Variants in C18orf32 observed in about 807,000 individuals in gnomAD.
The protein encoded by C18orf32 is UPF0729 protein C18orf32.
C18orf32 carries 5 observed loss-of-function variants against 7.4 expected under a neutral mutation model. The observed-to-expected ratio is 0.68, with a 90% CI of 0.35 to 1.42. C18orf32 has a LOEUF of 1.42. Among genes scored for constraint, C18orf32 ranks in the 40% most tolerant of loss-of-function variants. The probability of loss-of-function intolerance (pLI) is 0.04; values close to 1 mark genes in which losing one functional copy is unlikely to be tolerated. For missense variants in C18orf32, 88 were observed against 92.4 expected, an observed-to-expected ratio of 0.95 and a Z score of 0.19; for synonymous variants, 30 against 29.3, an observed-to-expected ratio of 1.02 and a Z score of -0.08.
Position 49,479,323 on chromosome 18 carries a change from G to C in C18orf32, c.*3022C>G, listed in dbSNP as rs1324584206. 1 of 152,266 alleles carries C rather than the reference G, an allele frequency of 6.6e-6. No individual in the cohort carries two copies. The highest frequency in any genetic ancestry group is 1.5e-5 in the Non-Finnish European group (1 of 68,086). 9.4% of individuals were successfully genotyped at this position (152,266 alleles called of 1,614,324 possible). ...CGTCCAATACAGGAGGGTGGCAACA[G>C]AAAGTCCCGAGGACTGCAGTGTGCA... On this transcript the variant is annotated 3_prime_UTR_variant, in exon 3 of 3. Transcript: ENST00000318240.
intron 1 of C18orf32, among the ~76,000 whole-genome samples, chr18:49,484,984 A>T (rs565951231): frequency 6.6e-6 from 1 of 152,102 alleles, no homozygotes; most frequent in South Asian, 2.1e-4. Flanking sequence ...CGGGAGGCTG[A>T]GGGGGAAGAA....
At chr18:49,485,421 G>T (rs1319167098) in intron 1 of C18orf32, among the ~76,000 whole-genome samples, 2 of 152,122 alleles carry the variant, frequency 1.3e-5, no homozygotes, top group Non-Finnish European at 2.9e-5. Context: ...GGGCGTGGTG[G>T]TGGGCACCTG....
intron 1 of C18orf32, chr18:49,486,279 CA>C (rs2083743458): frequency 6.6e-6 from 1 of 152,080 alleles, no homozygotes; most frequent in South Asian, 2.1e-4. Context: ...GAAACCCCTT[CA>C]AAACAACTGA....
Position 49,477,442 on chromosome 18 carries a change from C to T in C18orf32, c.*4903G>A, listed in dbSNP as rs2083628380. The stretch of plus-strand genomic sequence containing the variant: ...TAATCTAAACTCACCCTCTCCATTT[C>T]TGCCTAATTATTCCCAATAAGGTAT... On this transcript the variant is annotated 3_prime_UTR_variant, in exon 3 of 3. Transcript: ENST00000318240. 6.7e-6 allele frequency: 1 copy of T among 150,098 alleles called. No individual in the cohort carries two copies. Among genetic ancestry groups the T allele is most frequent in the African/African-American group, 2.5e-5 (1 of 39,490 alleles). The allele number at this position is 150,098 out of a possible 1,614,324, so 9.3% of individuals were successfully genotyped here. A position where few individuals can be genotyped will look rare whatever the true frequency, so the allele number is the denominator to read the frequency against.
Position 49,482,033 on chromosome 18 carries a change from GA to G in C18orf32, c.*311del. On this transcript the variant is annotated 3_prime_UTR_variant, in exon 3 of 3. Coordinates refer to ENST00000318240, the MANE Select transcript of C18orf32 (RefSeq NM_001035005.4). ...AATTCATATGAATTAGAGAACCAAA[GA>G]TTTTAAAGTGCTGATTTAGTAACAT... 1 of 252,808 alleles carries G rather than the reference GA, an allele frequency of 4.0e-6. No individual in the cohort carries two copies. Among genetic ancestry groups the G allele is most frequent in the Non-Finnish European group, 7.6e-6 (1 of 132,422 alleles). 15.7% of individuals were successfully genotyped at this position (252,808 alleles called of 1,614,324 possible). A position where few individuals can be genotyped will look rare whatever the true frequency, so the allele number is the denominator to read the frequency against.
intron 1 of C18orf32, among the ~76,000 whole-genome samples, chr18:49,485,404 A>G (rs2083726937): frequency 6.6e-6 from 1 of 151,938 alleles, no homozygotes; most frequent in Admixed American, 6.6e-5. Flanking sequence ...AAATACAAAA[A>G]TTAGCTGGGC....
Position 49,478,084 on chromosome 18 carries a change from AGAGT to A in C18orf32, c.*4257_*4260del, listed in dbSNP as rs2083633798. The A allele has an allele frequency of 6.7e-6, 1 of 149,300 alleles. No homozygotes were observed. Among genetic ancestry groups the A allele is most frequent in the Non-Finnish European group, 1.5e-5 (1 of 67,952 alleles). 9.2% of individuals were successfully genotyped at this position (149,300 alleles called of 1,614,324 possible). On this transcript the variant is annotated 3_prime_UTR_variant, in exon 3 of 3. Coordinates refer to ENST00000318240, the MANE Select transcript of C18orf32 (RefSeq NM_001035005.4). ...AGGGTCTTGCTCTGTTGTCCAAGCTAGAGTGCAGTGGCTTGATCACAGCTCACTG... is the reference window on the plus strand; with the variant it reads ...AGGGTCTTGCTCTGTTGTCCAAGCTAGCAGTGGCTTGATCACAGCTCACTG...
intron 1 of C18orf32, among the ~76,000 whole-genome samples, chr18:49,484,201 C>CACACAT (rs56983810): frequency 9.3e-4 from 109 of 117,818 alleles, no homozygotes; most frequent in African/African-American, 3.5e-3. Flanking sequence ...CACACACACA[C>CACACAT]GAAAGGACTA....
At chr18:49,483,226 G>C (rs2083686539) in intron 2 of C18orf32, among the ~76,000 whole-genome samples, 1 of 152,050 alleles carries the variant, frequency 6.6e-6, no homozygotes, top group African/African-American at 2.4e-5. Flanking sequence ...CAATTCTAAA[G>C]ACAACAGAGT....
At position 49,484,165 on chromosome 18, in the gene C18orf32, T is replaced by TACAC. The variant is rs1294205830; in HGVS notation, c.-23-395_-23-394insGTGT. ...AAAAAAAAATATATATATATATATA[T>TACAC]ATACACACACACACACACACACACA... On this transcript the variant is annotated intron_variant, in intron 1 of 2. Coordinates refer to ENST00000318240, the MANE Select transcript of C18orf32 (RefSeq NM_001035005.4). 6.0e-4 allele frequency among the ~76,000 whole-genome samples: 53 copies of TACAC among 88,082 alleles called. 1 individual carries two copies. Among genetic ancestry groups the TACAC allele is most frequent in the Non-Finnish European group, 4.4e-4 (20 of 45,262 alleles). The allele number at this position is 88,082 out of a possible 152,430, so 57.8% of individuals were successfully genotyped here.
chr18:49,482,778 T>C (rs2083678798), intron 2 of C18orf32, among the ~76,000 whole-genome samples: 2 of 149,580 alleles, frequency 1.3e-5, no homozygotes, highest in African/African-American at 4.9e-5. Flanking sequence ...CAAAAAGATA[T>C]TAAGAGACAT....
rs2083638890 is a variant in C18orf32 at position 49,478,899 on chromosome 18, A to G, written c.*3446T>C. 7.1e-6 allele frequency: 1 copy of G among 140,884 alleles called. No homozygotes were observed. The highest frequency in any genetic ancestry group is 3.2e-5 in the African/African-American group (1 of 30,894). The allele number at this position is 140,884 out of a possible 1,614,324, so 8.7% of individuals were successfully genotyped here. A position where few individuals can be genotyped will look rare whatever the true frequency, so the allele number is the denominator to read the frequency against. On this transcript the variant is annotated 3_prime_UTR_variant, in exon 3 of 3. Transcript: ENST00000318240. Reference sequence around the variant, plus strand: ...TTCAAACTGATGGCTATTTTTGTCCACTATTCCCATGTTCTTTTTCACTCT... The same window carrying G: ...TTCAAACTGATGGCTATTTTTGTCCGCTATTCCCATGTTCTTTTTCACTCT...
intron 2 of C18orf32, among the ~76,000 whole-genome samples, chr18:49,483,261 G>T (rs1256639482): frequency 9.4e-5 from 14 of 149,216 alleles, no homozygotes; most frequent in African/African-American, 3.2e-4. Flanking sequence ...TAAAAAAATT[G>T]TTTTTTTTTT....
rs778524122 is a variant in C18orf32, at chr18:49,481,551, T to C, written c.*794A>G. The C allele has an allele frequency of 6.9e-6, 1 of 144,142 alleles. No homozygotes were observed. The highest frequency in any genetic ancestry group is 2.6e-5 in the African/African-American group (1 of 38,122). The allele number at this position is 144,142 out of a possible 1,614,324, so 8.9% of individuals were successfully genotyped here. On this transcript the variant is annotated 3_prime_UTR_variant, in exon 3 of 3. Coordinates refer to ENST00000318240, the MANE Select transcript of C18orf32 (RefSeq NM_001035005.4). ...TCTTGTTACGCAACAATAGTAATTGTTGTCCCACCACTACACAGATGCCAT... is the reference window on the plus strand; with the variant it reads ...TCTTGTTACGCAACAATAGTAATTGCTGTCCCACCACTACACAGATGCCAT...
Position 49,478,799 on chromosome 18 carries a change from A to G in C18orf32, c.*3546T>C, listed in dbSNP as rs1047666319. 2.0e-5 allele frequency: 3 copies of G among 150,528 alleles called. No individual in the cohort carries two copies. The highest frequency in any genetic ancestry group is 6.6e-5 in the Admixed American group (1 of 15,236). 9.3% of individuals were successfully genotyped at this position (150,528 alleles called of 1,614,324 possible). On this transcript the variant is annotated 3_prime_UTR_variant, in exon 3 of 3. Transcript: ENST00000318240. ...TGGATAACTGATAAAAGCTTTTAACAATTAGCCTCCAAAATAAGAAAAATA... is the reference window on the plus strand; with the variant it reads ...TGGATAACTGATAAAAGCTTTTAACGATTAGCCTCCAAAATAAGAAAAATA...
rs574642888 is a variant in C18orf32, at chr18:49,479,081, T to C, written c.*3264A>G. 6.6e-6 allele frequency: 1 copy of C among 152,286 alleles called. No homozygotes were observed. Among genetic ancestry groups the C allele is most frequent in the Non-Finnish European group, 1.5e-5 (1 of 68,012 alleles). 9.4% of individuals were successfully genotyped at this position (152,286 alleles called of 1,614,324 possible). ...TATGAAAACAACGACTGGGAACCAG[T>C]GTTCTAGAGAGGGAGACTTGTTAGA... is the stretch of plus-strand genomic sequence containing the variant. On this transcript the variant is annotated 3_prime_UTR_variant, in exon 3 of 3. Transcript: ENST00000318240.
intron 2 of C18orf32, 144 bp from the exon 3 acceptor site, chr18:49,482,554 C>G: frequency 1.7e-6 from 1 of 580,502 alleles, no homozygotes; most frequent in Admixed American, 3.2e-5. Flanking sequence ...TGGTGAAACC[C>G]CGTCCCTACT....
chr18:49,483,535 G>A (rs775719203), intron 2 of C18orf32, 49 bp downstream of exon 2: 1 of 1,518,878 alleles, frequency 6.6e-7, no homozygotes. Context: ...TTTCACCCAA[G>A]TACCACCCCC....
rs780243305 is a variant in C18orf32, at chr18:49,483,699, T to C, written c.50A>G (p.Lys17Arg). 9 of 1,613,712 alleles carry C rather than the reference T, an allele frequency of 5.6e-6. No homozygotes were observed. The highest frequency in any genetic ancestry group is 7.6e-6 in the Non-Finnish European group (9 of 1,179,982). ...IVIPVLLWIY[K>R]KFLEPYIYPL... is the part of the protein sequence containing the mutation. ...GTATATATATGGCTCCAGGAATTTT[T>C]TGTAGATCCAGAGCAGAACTGGAAT... Residue 17 changes from lysine to arginine, a missense_variant, in exon 2 of 3, where the codon AAA becomes AGA. Lys to Arg is a conservative substitution (Grantham distance 26). Coordinates refer to ENST00000318240, the MANE Select transcript of C18orf32 (RefSeq NM_001035005.4).
Sources: allele counts gnomAD v4.1 joint callset (sites outside exome capture counted in the v4.1 genomes callset), GRCh38; gene constraint gnomAD v4.1.1; transcripts MANE v1.5; gene names NCBI Gene and HGNC (gene_info 2026-07-23, HGNC 2026-07-21).